The following NRG3 variants were observed in gnomAD, a reference collection of about 807,000 sequenced individuals.
NRG3 encodes the protein neuregulin 3, also known as pro-neuregulin-3, membrane-bound isoform.
NRG3 carries 31 observed loss-of-function variants against 66.9 expected under a neutral mutation model. That is an observed-to-expected ratio of 0.46 (90% CI 0.35 to 0.63). NRG3 has a LOEUF of 0.63. Ranked by LOEUF, NRG3 falls within the 20% of genes least tolerant of loss-of-function variation. NRG3 has a pLI of 0.00. For synonymous variants in NRG3, 393 were observed against 359.4 expected (o/e 1.09, Z -1.06); for missense variants, 910 against 878.9 (o/e 1.04, Z -0.45).
At chr10:82,591,848 A>C (rs117704205) in intron 2 of NRG3, among the ~76,000 whole-genome samples, 1,856 of 152,294 alleles carry the variant, frequency 0.012, 11 homozygotes, top group Admixed American at 0.018. Flanking sequence ...TCACTTATTC[A>C]TTCAGTTACT....
intron 2 of NRG3, among the ~76,000 whole-genome samples, chr10:82,408,148 G>GAAAGAAAGAA (rs1341689768): frequency 8.7e-4 from 117 of 134,268 alleles, no homozygotes; most frequent in Non-Finnish European, 1.5e-3. Context: ...AGAAAGAAAA[G>GAAAGAAAGAA]AAAAAGAAAA....
At chr10:82,970,219 A>G (rs1564678607) in intron 6 of NRG3, among the ~76,000 whole-genome samples, 2 of 152,336 alleles carry the variant, frequency 1.3e-5, no homozygotes, top group East Asian at 3.9e-4. Flanking sequence ...TTTGAAACAT[A>G]TTGTCAATTT....
At chr10:82,359,908 C>A (rs1325119857) in intron 2 of NRG3, among the ~76,000 whole-genome samples, 1 of 152,152 alleles carries the variant, frequency 6.6e-6, no homozygotes, top group African/African-American at 2.4e-5. Context: ...CCAGCAGAAG[C>A]TGCCTGGATC....
At chr10:82,047,142 T>A (rs1413306926) in intron 1 of NRG3, among the ~76,000 whole-genome samples, 1 of 151,632 alleles carries the variant, frequency 6.6e-6, no homozygotes, top group Non-Finnish European at 1.5e-5. Flanking sequence ...TCAGAAGGAA[T>A]GTTACCAGTT....
intron 3 of NRG3, among the ~76,000 whole-genome samples, chr10:82,811,694 A>C (rs2061497722): frequency 6.6e-6 from 1 of 152,238 alleles, no homozygotes; most frequent in African/African-American, 2.4e-5. Flanking sequence ...GAGATAAAGC[A>C]AAATAAAACT....
At chr10:82,747,579 A>G (rs2058697148) in intron 3 of NRG3, among the ~76,000 whole-genome samples, 1 of 152,078 alleles carries the variant, frequency 6.6e-6, no homozygotes. Context: ...CTTGATTGCC[A>G]GCAATATTGA....
chr10:82,863,911 A>G (rs947014359), intron 3 of NRG3, among the ~76,000 whole-genome samples: 2 of 152,206 alleles, frequency 1.3e-5, no homozygotes, highest in Non-Finnish European at 2.9e-5. Context: ...AGTGTGCCTG[A>G]TATCTATCAC....
At chr10:82,358,914 G>C (rs1309763533) in intron 2 of NRG3, 46 bp downstream of exon 2, 14 of 1,612,712 alleles carry the variant, frequency 8.7e-6, no homozygotes, top group African/African-American at 1.3e-5. Flanking sequence ...CCGTTGCAAG[G>C]CGTGGGGGTG....
At chr10:82,007,489 G>A (rs1178504185) in intron 1 of NRG3, among the ~76,000 whole-genome samples, 2 of 152,134 alleles carry the variant, frequency 1.3e-5, no homozygotes, top group African/African-American at 2.4e-5. Context: ...TTACAGGCGT[G>A]AGCCATCAGT....
rs1490323054 is a variant in NRG3 at position 82,987,024 on chromosome 10, A to T, written c.*1419A>T. On this transcript the variant is annotated 3_prime_UTR_variant, in exon 9 of 9. Transcript: ENST00000372141. ...TTTACCACTGCTAAGGTGAACTGAA[A>T]CCTCTCCTGAAGATTTGTCTGTTTA... is the stretch of plus-strand genomic sequence containing the variant. The T allele has an allele frequency of 6.6e-6, 1 of 152,100 alleles. No individual in the cohort carries two copies. The highest frequency in any genetic ancestry group is 6.5e-5 in the Admixed American group (1 of 15,278). 9.4% of individuals were successfully genotyped at this position (152,100 alleles called of 1,614,324 possible).
chr10:82,434,731 A>T (rs977796065), intron 2 of NRG3, among the ~76,000 whole-genome samples: 4 of 152,100 alleles, frequency 2.6e-5, no homozygotes, highest in Non-Finnish European at 5.9e-5. Context: ...GGTTCTGTTT[A>T]TGTGATGGAT....
intron 1 of NRG3, among the ~76,000 whole-genome samples, chr10:82,067,008 T>C (rs1243603566): frequency 3.1e-5 from 2 of 65,256 alleles, no homozygotes; most frequent in Non-Finnish European, 6.6e-5. Context: ...TATTAGATCC[T>C]AAATATACAA....
chr10:82,238,015 G>A (rs1044143951), intron 1 of NRG3, among the ~76,000 whole-genome samples: 4 of 152,098 alleles, frequency 2.6e-5, no homozygotes, highest in Non-Finnish European at 4.4e-5. Context: ...AGCAATCTTA[G>A]TGTTTCTCTG....
At chr10:81,999,788 T>C (rs896880612) in intron 1 of NRG3, among the ~76,000 whole-genome samples, 3 of 152,200 alleles carry the variant, frequency 2.0e-5, no homozygotes, top group South Asian at 2.1e-4. Context: ...CTTCAATATA[T>C]GTATATTGTT....
At chr10:82,601,454 G>T (rs545187902) in intron 2 of NRG3, among the ~76,000 whole-genome samples, 1 of 152,186 alleles carries the variant, frequency 6.6e-6, no homozygotes, top group Non-Finnish European at 1.5e-5. Context: ...TCTTTGGTTA[G>T]ATTTTTCTTT....
At chr10:82,737,407 A>C (rs753546026) in intron 2 of NRG3, among the ~76,000 whole-genome samples, 1 of 152,206 alleles carries the variant, frequency 6.6e-6, no homozygotes, top group Non-Finnish European at 1.5e-5. Flanking sequence ...TATTACACTC[A>C]GAAAACAAAG....
intron 3 of NRG3, among the ~76,000 whole-genome samples, chr10:82,840,291 C>T (rs1340530960): frequency 2.0e-5 from 3 of 152,126 alleles, no homozygotes; most frequent in Admixed American, 1.3e-4. Context: ...CCGCAGCCTA[C>T]GTTGGTGGAC....
At chr10:81,919,423 G>A (rs1222130354) in intron 1 of NRG3, among the ~76,000 whole-genome samples, 1 of 152,144 alleles carries the variant, frequency 6.6e-6, no homozygotes, top group Non-Finnish European at 1.5e-5. Flanking sequence ...TTGAAGTTGT[G>A]TCAGGATTGG....
intron 2 of NRG3, among the ~76,000 whole-genome samples, chr10:82,582,367 A>G (rs1236300032): frequency 2.6e-5 from 4 of 152,080 alleles, no homozygotes; most frequent in Admixed American, 1.3e-4. Flanking sequence ...TGTTTTCACA[A>G]AGGGCAGGGG....
Sources: allele counts gnomAD v4.1 joint callset (sites outside exome capture counted in the v4.1 genomes callset), GRCh38; gene constraint gnomAD v4.1.1; transcripts MANE v1.5; gene names NCBI Gene and HGNC (gene_info 2026-07-23, HGNC 2026-07-21).